Variants in SLC2A11 observed in about 807,000 individuals in gnomAD.
The protein encoded by SLC2A11 is solute carrier family 2 member 11.
SLC2A11 carries 43 observed loss-of-function variants against 52.1 expected under a neutral mutation model. That is an observed-to-expected ratio of 0.82 (90% confidence interval 0.65 to 1.06). The LOEUF (loss-of-function observed/expected upper bound fraction) is 1.06. Ranked by LOEUF, SLC2A11 falls within the 50% of genes least tolerant of loss-of-function variation. The probability of loss-of-function intolerance (pLI) is 0.00; values close to 1 mark genes in which losing one functional copy is unlikely to be tolerated. For missense variants in SLC2A11, 582 were observed against 654.2 expected (o/e 0.89, Z 1.20); for synonymous variants, 261 against 277.6 (o/e 0.94, Z 0.59).
intron 2 of SLC2A11, among the ~76,000 whole-genome samples, chr22:23,863,178 T>C (rs1342585833): frequency 6.6e-6 from 1 of 152,176 alleles, no homozygotes; most frequent in African/African-American, 2.4e-5. Context: ...TAAGCCTCCT[T>C]CCACGGAGGG....
chr22:23,883,604 G>C (rs1005680376), intron 8 of SLC2A11, 168 bp from the exon 9 acceptor site: 2 of 550,780 alleles, frequency 3.6e-6, no homozygotes, highest in Admixed American at 7.7e-5. Flanking sequence ...GGCTGAAGTT[G>C]GGTGATTGAT....
intron 2 of SLC2A11, chr22:23,865,854 G>A (rs905528140): frequency 6.6e-6 from 1 of 152,252 alleles, no homozygotes; most frequent in African/African-American, 2.4e-5. Flanking sequence ...AAGTCCAAAA[G>A]TTGAGACCTA....
At chr22:23,858,054 A>G in intron 1 of SLC2A11, 25 bp downstream of exon 1, 1 of 1,553,572 alleles carries the variant, frequency 6.4e-7, no homozygotes, top group South Asian at 1.2e-5. Context: ...ACTTGCCCAG[A>G]CCAGGCGTTT....
Position 23,858,261 on chromosome 22 carries a change from C to G in SLC2A11, c.30+232C>G, listed in dbSNP as rs1483852711. 3 of 690,706 alleles carry G rather than the reference C, an allele frequency of 4.3e-6. No individual in the cohort carries two copies. In the South Asian group the frequency reaches 4.8e-5, roughly 11 times the overall value. The allele number at this position is 690,706 out of a possible 1,614,324, so 42.8% of individuals were successfully genotyped here. ...GCAAGGTTGCTGGACCCTGGCATCC[C>G]AGCCCCCAGAGATGCTAAATCCTCT... On this transcript the variant is annotated intron_variant, in intron 1 of 11. Coordinates refer to ENST00000316185, the MANE Select transcript of SLC2A11 (RefSeq NM_001024939.4).
In SLC2A11 at chr22:23,877,336, T is replaced by C. The variant is rs553168677; in HGVS notation, c.545+165T>C. On this transcript the variant is annotated intron_variant, in intron 5 of 11. Transcript: ENST00000316185. The stretch of plus-strand genomic sequence containing the variant: ...CTCTGCTGCCAATTCACGAAATGGG[T>C]ATCAGTCAACACACTGCAATGTGAA... The C allele has an allele frequency of 1.1e-4, 131 of 1,170,064 alleles. 1 individual carries two copies. In the South Asian group the frequency reaches 1.6e-3, roughly 15 times the overall value. 72.5% of individuals were successfully genotyped at this position (1,170,064 alleles called of 1,614,324 possible). A position where few individuals can be genotyped will look rare whatever the true frequency, so the allele number is the denominator to read the frequency against.
Position 23,877,869 on chromosome 22 carries a change from G to A in SLC2A11, c.694G>A (p.Ala232Thr), listed in dbSNP as rs1321537336. ...TGGAGACACCGAGGCCTGCCTGGCA[G>A]GTGAGTCTCTGTCCTTGGGCTCCCA... ...DCGDTEACLA[A>T]LRRLRGSGDL... Residue 232 changes from alanine to threonine, a missense_variant and splice_region_variant, in exon 6 of 12, where the codon GCA becomes ACA. Coordinates refer to ENST00000316185, the MANE Select transcript of SLC2A11 (RefSeq NM_001024939.4). 21 of 1,609,542 alleles carry A rather than the reference G, an allele frequency of 1.3e-5. No individual in the cohort carries two copies. Among genetic ancestry groups the A allele is most frequent in the East Asian group, 2.2e-5 (1 of 44,862 alleles).
chr22:23,857,123 G>T, upstream of SLC2A11: 2 of 1,258,734 alleles, frequency 1.6e-6, no homozygotes, highest in East Asian at 5.1e-5. Flanking sequence ...ACAACCAAGG[G>T]CTTGGCCCTC....
intron 8 of SLC2A11, 51 bp downstream of exon 8, chr22:23,882,920 C>T (rs1568998340): frequency 1.3e-6 from 2 of 1,500,498 alleles, no homozygotes; most frequent in Admixed American, 3.7e-5. Flanking sequence ...GAGGGACCCC[C>T]AGGTCCTCTG....
rs2032909906 is a variant in SLC2A11 at position 23,883,847 on chromosome 22, A to G, written c.1069A>G (p.Ile357Val). 6.3e-7 allele frequency: 1 copy of G among 1,590,644 alleles called. No individual in the cohort carries two copies. Among genetic ancestry groups the G allele is most frequent in the South Asian group, 1.1e-5 (1 of 87,974 alleles). Residue 357 changes from isoleucine to valine, a missense_variant, in exon 9 of 12, where the codon ATC becomes GTC. Transcript: ENST00000316185. The stretch of plus-strand genomic sequence containing the variant: ...CAGCCTGATGACCTGCTGGGGGAGC[A>G]TCTTCACTGTGGCCCTGTGCCTGCA... ...GYSLMTCWGSIFTVALCLQSS... is the reference protein window; with the variant it reads ...GYSLMTCWGSVFTVALCLQSS...
intron 3 of SLC2A11, chr22:23,869,813 C>T (rs1601496706): frequency 6.9e-6 from 4 of 579,744 alleles, no homozygotes; most frequent in Middle Eastern, 4.4e-4. Flanking sequence ...GTGAGGGCTA[C>T]TCTTTCTGCT....
chr22:23,884,700 G>A lies in SLC2A11; in HGVS notation c.1351G>A (p.Gly451Arg), dbSNP rs751508964. 5 of 1,613,106 alleles carry A rather than the reference G, an allele frequency of 3.1e-6. No homozygotes were observed. Among genetic ancestry groups the A allele is most frequent in the Non-Finnish European group, 4.2e-6 (5 of 1,179,698 alleles). ...YVPFLGVCVC[G>R]AIYTGLFLPE... ...CCCTTTCCTTGGTGTCTGTGTCTGTGGGGCCATCTACACTGGCCTGTTCCT... is the reference window on the plus strand; with the variant it reads ...CCCTTTCCTTGGTGTCTGTGTCTGTAGGGCCATCTACACTGGCCTGTTCCT... The change falls in exon 12 of 12, where the codon GGG (glycine) becomes AGG (arginine). Residue 451 changes from glycine to arginine, a missense_variant. Transcript: ENST00000316185. The surrounding 1 kb of genome is among the most constrained non-coding windows in gnomAD (Gnocchi z 4.3).
intron 3 of SLC2A11, chr22:23,869,803 G>C: frequency 1.8e-6 from 1 of 564,766 alleles, no homozygotes; most frequent in South Asian, 2.3e-5. Context: ...GCAGTGTACC[G>C]TGAGGGCTAC....
At chr22:23,873,450 C>G (rs928614291) in intron 3 of SLC2A11, among the ~76,000 whole-genome samples, 5 of 152,046 alleles carry the variant, frequency 3.3e-5, no homozygotes, top group African/African-American at 1.2e-4. Flanking sequence ...CCTGGGATTA[C>G]AGGTGCCTGC....
At chr22:23,862,009 T>C (rs1445511952) in intron 1 of SLC2A11, 95 bp from the exon 2 acceptor site, 47 of 1,017,736 alleles carry the variant, frequency 4.6e-5, no homozygotes, top group Non-Finnish European at 7.1e-5. Context: ...CACTGCCTGA[T>C]TCAAATAAAT....
intron 6 of SLC2A11, chr22:23,881,634 T>C (rs2032795783): frequency 6.6e-6 from 1 of 152,408 alleles, no homozygotes; most frequent in African/African-American, 2.4e-5. Context: ...TAAAGCCTTT[T>C]TTCATCCATG....
chr22:23,858,429 AG>A (rs1029804517), intron 1 of SLC2A11, among the ~76,000 whole-genome samples: 1 of 151,722 alleles, frequency 6.6e-6, no homozygotes, highest in African/African-American at 2.4e-5. Flanking sequence ...TGCCTCACAG[AG>A]GGAAAGGGCG....
At chr22:23,869,487 C>CA (rs113496535) in intron 3 of SLC2A11, 171 of 144,590 alleles carry the variant, frequency 1.2e-3, no homozygotes, top group South Asian at 4.6e-3. Context: ...GACTCCATCT[C>CA]AAAAAAAAAA....
At chr22:23,878,354 G>T (rs189543774) in intron 6 of SLC2A11, among the ~76,000 whole-genome samples, 5 of 152,070 alleles carry the variant, frequency 3.3e-5, no homozygotes, top group Non-Finnish European at 5.9e-5. Context: ...AGTGTGGGGC[G>T]GGGGAGGGGG....
rs144700285 is a variant in SLC2A11, at chr22:23,868,425, A to G, written c.130-56A>G. The G allele has an allele frequency of 4.6e-4, 735 of 1,600,356 alleles. 5 individuals carry two copies. In the East Asian group the frequency reaches 6.3e-3, roughly 14 times the overall value. On this transcript the variant is annotated intron_variant, in intron 2 of 11. Transcript: ENST00000316185. ...CCCTGTTGGGGAGAAGGCTTGTTTC[A>G]TCTAGCACCCCCACGCCACCATCCC...
Sources: allele counts gnomAD v4.1 joint callset (sites outside exome capture counted in the v4.1 genomes callset), GRCh38; gene constraint gnomAD v4.1.1; non-coding constraint Gnocchi (gnomAD v3.1); transcripts MANE v1.5; gene names NCBI Gene and HGNC (gene_info 2026-07-23, HGNC 2026-07-21).